KCNN2: variants seen among roughly 807,000 people sequenced by gnomAD.
The protein encoded by KCNN2 is potassium calcium-activated channel subfamily N member 2, also known as small conductance calcium-activated potassium channel protein 2.
In KCNN2, 24 loss-of-function variants were observed where a neutral mutation model predicts 55.5. That is an observed-to-expected ratio of 0.43 (90% confidence interval 0.31 to 0.61). The LOEUF (loss-of-function observed/expected upper bound fraction) is 0.61. KCNN2 is among the 20% of genes least tolerant of loss of function. The probability of loss-of-function intolerance (pLI) is 0.08; values close to 1 mark genes in which losing one functional copy is unlikely to be tolerated. For synonymous variants in KCNN2, 431 were observed against 336.1 expected (o/e 1.28, Z -3.09); for missense variants, 754 against 853.6 (o/e 0.88, Z 1.45).
At position 114,158,468 on chromosome 5, in the gene KCNN2, A is replaced by C. The variant is rs535661833; in HGVS notation, c.-270-63012A>C. ...TCCAGGTTTGTTCTTTTGGCTTAGG[A>C]TTGACTTGGCAATGCAGGCTCTTTT... On this transcript the variant is annotated intron_variant, in intron 1 of 10. Coordinates refer to the KCNN2 transcript ENST00000512097. Among the ~76,000 whole-genome samples the C allele has an allele frequency of 1.1e-4, 16 of 152,096 alleles. No individual in the cohort carries two copies. The East Asian group carries it at 2.7e-3, about 26-fold the overall frequency.
intron 3 of KCNN2, among the ~76,000 whole-genome samples, chr5:114,450,048 G>C (rs1760604374): frequency 6.6e-6 from 1 of 152,198 alleles, no homozygotes; most frequent in South Asian, 2.1e-4. Context: ...CAGAGCAGCT[G>C]TGGGGATAAA....
At chr5:114,113,564 T>G (rs941647298) in intron 1 of KCNN2, among the ~76,000 whole-genome samples, 2 of 152,102 alleles carry the variant, frequency 1.3e-5, no homozygotes, top group African/African-American at 4.8e-5. Context: ...CACAGGGGCC[T>G]TCCTAGAAAA....
At chr5:114,415,714 G>C (rs1265420199) in intron 3 of KCNN2, among the ~76,000 whole-genome samples, 4 of 152,028 alleles carry the variant, frequency 2.6e-5, no homozygotes, top group Non-Finnish European at 4.4e-5. Context: ...AATTCAAATT[G>C]CCCATTTTTA....
At chr5:114,479,756 T>C (rs971887306) in intron 5 of KCNN2, among the ~76,000 whole-genome samples, 2 of 152,056 alleles carry the variant, frequency 1.3e-5, no homozygotes, top group East Asian at 3.9e-4. Flanking sequence ...TACATGGAAA[T>C]TGAACAGCCG....
intron 1 of KCNN2, among the ~76,000 whole-genome samples, chr5:114,070,383 C>T (rs1750543391): frequency 6.6e-6 from 1 of 152,214 alleles, no homozygotes; most frequent in Admixed American, 6.5e-5. Flanking sequence ...AATATTTTTT[C>T]AACGAGCCAT....
chr5:114,268,758 C>G (rs760495193), intron 2 of KCNN2, among the ~76,000 whole-genome samples: 5 of 152,112 alleles, frequency 3.3e-5, no homozygotes, highest in Admixed American at 6.5e-5. Context: ...GATGGTGCTG[C>G]CAAGTGAGAC....
intron 1 of KCNN2, among the ~76,000 whole-genome samples, chr5:114,163,360 T>C (rs894122397): frequency 6.6e-6 from 1 of 152,176 alleles, no homozygotes. Context: ...GGCATCCTTG[T>C]GGCAATTTTC....
chr5:114,421,620 G>GT (rs999437300), intron 3 of KCNN2, among the ~76,000 whole-genome samples: 2 of 151,678 alleles, frequency 1.3e-5, no homozygotes, highest in African/African-American at 4.8e-5. Context: ...GTTTTGTTTT[G>GT]TTTTTTGAGA....
chr5:114,193,188 C>T (rs866376556), intron 1 of KCNN2, among the ~76,000 whole-genome samples: 5 of 152,172 alleles, frequency 3.3e-5, no homozygotes, highest in Middle Eastern at 3.4e-3. Context: ...TCAAATGTCT[C>T]CCCTGCATGA....
chr5:114,296,232 T>C (rs780208999), intron 2 of KCNN2, among the ~76,000 whole-genome samples: 4 of 152,322 alleles, frequency 2.6e-5, no homozygotes, highest in East Asian at 1.9e-4. Context: ...TAACCTCTTA[T>C]AGCCTATCAG....
intron 6 of KCNN2, among the ~76,000 whole-genome samples, chr5:114,489,440 A>G (rs181908966): frequency 7.5e-4 from 114 of 152,254 alleles, no homozygotes; most frequent in Non-Finnish European, 1.4e-3. Flanking sequence ...GTGTTTGGAT[A>G]GAGTGACAGA....
At chr5:114,493,032 A>G (rs895668951) in intron 6 of KCNN2, among the ~76,000 whole-genome samples, 2 of 152,246 alleles carry the variant, frequency 1.3e-5, no homozygotes, top group East Asian at 1.9e-4. Context: ...TCCAACATCA[A>G]TGAAATTCCA....
chr5:114,303,352 T>G (rs149887002), intron 2 of KCNN2, among the ~76,000 whole-genome samples: 1 of 152,342 alleles, frequency 6.6e-6, no homozygotes, highest in African/African-American at 2.4e-5. Context: ...AGATCTCAGT[T>G]ACTTAGCTGA....
At chr5:114,441,467 A>G (rs1051610075) in intron 3 of KCNN2, among the ~76,000 whole-genome samples, 5 of 152,218 alleles carry the variant, frequency 3.3e-5, no homozygotes, top group African/African-American at 1.2e-4. Flanking sequence ...ATTAGCATCA[A>G]TGTGTAATTC....
Position 114,329,668 on chromosome 5 carries a change from T to A in KCNN2, c.-184-31277T>A, listed in dbSNP as rs572577415. ...CTTGCAGATGGCCTATTGTGGGACT[T>A]TACCTTGTGACTGTGTGAGTCAATA... On this transcript the variant is annotated intron_variant, in intron 2 of 10. Transcript: ENST00000512097. Among the ~76,000 whole-genome samples, 4 of 152,266 alleles carry A rather than the reference T, an allele frequency of 2.6e-5. No individual in the cohort carries two copies. In the South Asian group the frequency reaches 8.3e-4, roughly 32 times the overall value.
At chr5:114,291,864 CT>C (rs1465220506) in intron 2 of KCNN2, among the ~76,000 whole-genome samples, 7 of 152,170 alleles carry the variant, frequency 4.6e-5, no homozygotes. Context: ...TGTTTCCTGA[CT>C]TTTTAATGAT....
At chr5:114,430,659 C>G (rs1382262924) in intron 3 of KCNN2, among the ~76,000 whole-genome samples, 2 of 152,056 alleles carry the variant, frequency 1.3e-5, no homozygotes, top group Non-Finnish European at 2.9e-5. Context: ...ACATCCTTGC[C>G]TTGTTCCTGA....
At chr5:114,442,607 G>A (rs1760258734) in intron 3 of KCNN2, among the ~76,000 whole-genome samples, 1 of 151,996 alleles carries the variant, frequency 6.6e-6, no homozygotes, top group African/African-American at 2.4e-5. Flanking sequence ...CCTCCTTTTT[G>A]AAGTATGCCT....
At chr5:114,162,944 A>C (rs898795757) in intron 1 of KCNN2, among the ~76,000 whole-genome samples, 1 of 152,012 alleles carries the variant, frequency 6.6e-6, no homozygotes, top group Non-Finnish European at 1.5e-5. Flanking sequence ...GCCCCCTTGC[A>C]CTTCCCGGGT....
Sources: gnomAD v4.1 joint callset for allele counts (sites outside exome capture counted in the v4.1 genomes callset) on GRCh38, gnomAD v4.1.1 for gene constraint, MANE v1.5 for transcripts, NCBI Gene and HGNC (gene_info 2026-07-23, HGNC 2026-07-21) for gene names.